Variants in COPG2 observed in about 807,000 individuals in gnomAD.
The protein encoded by COPG2 is coat protein complex I subunit gamma 2, also known as coatomer subunit gamma-2.
COPG2 carries 37 observed loss-of-function variants against 46.3 expected under a neutral mutation model. The observed-to-expected ratio is 0.80, with a 90% CI of 0.61 to 1.05. COPG2 has a LOEUF of 1.05. COPG2 is among the 50% of genes least tolerant of loss of function. The probability of loss-of-function intolerance (pLI) is 0.00; values close to 1 mark genes in which losing one functional copy is unlikely to be tolerated. For synonymous variants in COPG2, 159 were observed against 129.7 expected, an observed-to-expected ratio of 1.23 and a Z score of -1.53; for missense variants, 427 against 387.8, an observed-to-expected ratio of 1.10 and a Z score of -0.85.
At chr7:130,639,305 T>A (rs1310649127) in intron 5 of COPG2, among the ~76,000 whole-genome samples, 1 of 152,222 alleles carries the variant, frequency 6.6e-6, no homozygotes, top group Non-Finnish European at 1.5e-5. Context: ...CCTCTTTCCA[T>A]TGATTTCAAG....
intron 20 of COPG2, among the ~76,000 whole-genome samples, chr7:130,542,254 C>T (rs1793342069): frequency 1.3e-5 from 2 of 149,472 alleles, no homozygotes; most frequent in Admixed American, 1.3e-4. Context: ...GTGGGTAAGA[C>T]ACGGAAGGAA....
chr7:130,591,674 C>T (rs1794428586), intron 9 of COPG2, among the ~76,000 whole-genome samples: 1 of 148,638 alleles, frequency 6.7e-6, no homozygotes, highest in Admixed American at 6.6e-5. Flanking sequence ...GCCGCCCCTA[C>T]TGGGAAGTGA....
At chr7:130,546,249 C>T (rs1793441694) in intron 20 of COPG2, among the ~76,000 whole-genome samples, 1 of 152,118 alleles carries the variant, frequency 6.6e-6, no homozygotes, top group African/African-American at 2.4e-5. Context: ...CACAGGACTA[C>T]ATTAAGATTG....
chr7:130,641,113 G>A lies in COPG2; in HGVS notation c.323+11756C>T, dbSNP rs1428645866. Among the ~76,000 whole-genome samples, 5 of 143,480 alleles carry A rather than the reference G, an allele frequency of 3.5e-5. No homozygotes were observed. In the East Asian group the frequency reaches 1.1e-3, roughly 30 times the overall value. 94.1% of individuals were successfully genotyped at this position (143,480 alleles called of 152,430 possible). A position where few individuals can be genotyped will look rare whatever the true frequency, so the allele number is the denominator to read the frequency against. Reference sequence around the variant, plus strand: ...CCAGCACTTTGGGAGGCTGAGATGAGAGGACTGCTTGAGGTCAGGAGTTCA... The same window carrying A: ...CCAGCACTTTGGGAGGCTGAGATGAAAGGACTGCTTGAGGTCAGGAGTTCA... On this transcript the variant is annotated intron_variant, in intron 5 of 23. Coordinates refer to ENST00000425248, the MANE Select transcript of COPG2 (RefSeq NM_012133.6).
Position 130,554,556 on chromosome 7 carries a change from T to G in COPG2, c.1393A>C (p.Arg465=). ...ATATATTTGGAGGGGACAGGCGTTCTAGGGCCCTCTTTGCCCAACAAGTGT... is the reference window on the plus strand; with the variant it reads ...ATATATTTGGAGGGGACAGGCGTTCGAGGGCCCTCTTTGCCCAACAAGTGT... ...ILHLLGKEGP[R]TPVPSKYIRF... The change falls in exon 14 of 24, where the codon AGA becomes CGA. Residue 465 remains arginine (R), a synonymous_variant. Coordinates refer to ENST00000425248, the MANE Select transcript of COPG2 (RefSeq NM_012133.6). 2 of 398,642 alleles carry G rather than the reference T, an allele frequency of 5.0e-6. No homozygotes were observed. Among genetic ancestry groups the G allele is most frequent in the Non-Finnish European group, 8.8e-6 (2 of 226,078 alleles). The allele number at this position is 398,642 out of a possible 1,614,324, so 24.7% of individuals were successfully genotyped here.
In COPG2 at chr7:130,515,455, C is replaced by T. The variant is rs961692001; in HGVS notation, c.2150-6796G>A. Among the ~76,000 whole-genome samples the T allele has an allele frequency of 3.7e-4, 57 of 152,282 alleles. 1 individual carries two copies. The highest frequency in any genetic ancestry group is 2.1e-4 in the South Asian group (1 of 4,818). On this transcript the variant is annotated intron_variant, in intron 20 of 23. Transcript: ENST00000425248. ...AACTGGCCTCATGACCCAGTCACCT[C>T]CCACTAGGCCCTACCTCCAACACTG...
intron 5 of COPG2, among the ~76,000 whole-genome samples, chr7:130,620,234 A>C (rs6968467): frequency 0.021 from 3,212 of 152,174 alleles, 90 homozygotes; most frequent in African/African-American, 0.065. Context: ...GTGTCTGTTA[A>C]GTGTCAGACA....
chr7:130,605,142 T>C (rs538360491), intron 9 of COPG2: 1 of 510,052 alleles, frequency 2.0e-6, no homozygotes, highest in Non-Finnish European at 3.9e-6. Flanking sequence ...CTTTATTTTC[T>C]TTAATCTGTT....
In COPG2 at chr7:130,624,908, T is replaced by C. The variant is rs548998756; in HGVS notation, c.324-7843A>G. ...TGTGTCTTTTTCATATAATGACTTC[T>C]TTTCCTTCGAGTAGATACCCAGTAG... On this transcript the variant is annotated intron_variant, in intron 5 of 23. Coordinates refer to ENST00000425248, the MANE Select transcript of COPG2 (RefSeq NM_012133.6). Among the ~76,000 whole-genome samples the C allele has an allele frequency of 3.9e-5, 6 of 152,366 alleles. No individual in the cohort carries two copies. In the South Asian group the frequency reaches 1.2e-3, roughly 32 times the overall value.
chr7:130,637,959 T>C (rs1006086722), intron 5 of COPG2, among the ~76,000 whole-genome samples: 10 of 152,198 alleles, frequency 6.6e-5, no homozygotes, highest in Non-Finnish European at 1.3e-4. Context: ...GTTTGTTAGT[T>C]TTCCTTCTAA....
At chr7:130,524,582 G>A (rs1027867939) in intron 20 of COPG2, among the ~76,000 whole-genome samples, 10 of 152,124 alleles carry the variant, frequency 6.6e-5, no homozygotes, top group East Asian at 1.9e-4. Flanking sequence ...GGAGGGATGC[G>A]CTGCAGTAAA....
intron 20 of COPG2, among the ~76,000 whole-genome samples, chr7:130,537,389 G>A (rs1037767131): frequency 6.7e-6 from 1 of 149,834 alleles, no homozygotes; most frequent in African/African-American, 2.5e-5. Context: ...AGTGGGTGCG[G>A]GGCCAGGTCA....
chr7:130,536,790 A>G (rs1799884531), intron 20 of COPG2, among the ~76,000 whole-genome samples: 1 of 152,192 alleles, frequency 6.6e-6, no homozygotes, highest in Non-Finnish European at 1.5e-5. Context: ...TGGGATTTCC[A>G]GCGCCTCGGT....
At chr7:130,660,120 C>A (rs1487749215) in intron 4 of COPG2, among the ~76,000 whole-genome samples, 1 of 152,184 alleles carries the variant, frequency 6.6e-6, no homozygotes, top group African/African-American at 2.4e-5. Flanking sequence ...ATCTCTACCT[C>A]TCTTTGTCCC....
intron 9 of COPG2, among the ~76,000 whole-genome samples, chr7:130,577,472 A>G (rs1157140776): frequency 6.6e-6 from 1 of 152,180 alleles, no homozygotes; most frequent in African/African-American, 2.4e-5. Flanking sequence ...GGCTTAAAAA[A>G]CAGCCCAGGC....
intron 5 of COPG2, among the ~76,000 whole-genome samples, chr7:130,646,046 C>T (rs567833578): frequency 9.7e-4 from 148 of 152,296 alleles, no homozygotes; most frequent in African/African-American, 3.2e-3. Context: ...GTTATAATTC[C>T]TCAAGGAAAT....
At chr7:130,645,501 G>A (rs1264488538) in intron 5 of COPG2, 2 of 295,902 alleles carry the variant, frequency 6.8e-6, no homozygotes, top group South Asian at 6.4e-5. Flanking sequence ...AGGCACTAGA[G>A]GCTCCAGGGG....
chr7:130,567,465 C>T (rs966744573), intron 9 of COPG2, among the ~76,000 whole-genome samples: 7 of 152,076 alleles, frequency 4.6e-5, no homozygotes, highest in Non-Finnish European at 7.4e-5. Flanking sequence ...CAAAGAACAG[C>T]CAGAAAATTC....
chr7:130,509,946 A>AGGAT, intron 20 of COPG2: 1 of 471,492 alleles, frequency 2.1e-6, no homozygotes, highest in South Asian at 1.5e-5. Flanking sequence ...ATGTACAAAC[A>AGGAT]GGCAAAAGGA....
Sources: gnomAD v4.1 joint callset for allele counts (sites outside exome capture counted in the v4.1 genomes callset) on GRCh38, gnomAD v4.1.1 for gene constraint, MANE v1.5 for transcripts, NCBI Gene and HGNC (gene_info 2026-07-23, HGNC 2026-07-21) for gene names.